The following PRKCZ variants were observed in gnomAD, a reference collection of about 807,000 sequenced individuals.
PRKCZ encodes the protein protein kinase C zeta, also known as protein kinase C zeta type.
PRKCZ carries 33 observed loss-of-function variants against 79.5 expected under a neutral mutation model. The observed-to-expected ratio is 0.41, with a 90% CI of 0.31 to 0.55. The LOEUF (loss-of-function observed/expected upper bound fraction) is 0.55, where lower values mean the gene tolerates loss of function less well. PRKCZ is among the 20% of genes least tolerant of loss of function. The probability of loss-of-function intolerance (pLI) is 0.19; values close to 1 mark genes in which losing one functional copy is unlikely to be tolerated. For missense variants in PRKCZ, 578 were observed against 813.5 expected, an observed-to-expected ratio of 0.71 and a Z score of 3.52; for synonymous variants, 342 against 320.9, an observed-to-expected ratio of 1.07 and a Z score of -0.70.
chr1:2,050,684 C>T lies in PRKCZ; in HGVS notation c.54C>T (p.Leu18=), dbSNP rs1001859225. 9.5e-5 allele frequency: 116 copies of T among 1,226,960 alleles called. No homozygotes were observed. Among genetic ancestry groups the T allele is most frequent in the African/African-American group, 9.0e-4 (58 of 64,250 alleles). The allele number at this position is 1,226,960 out of a possible 1,614,324, so 76.0% of individuals were successfully genotyped here. The stretch of plus-strand genomic sequence containing the variant: ...AAGGGAGCGGCGGCCGCGTCCGCCT[C>T]AAGGCGCATTACGGGGGGTGAGCGG... ...KMEGSGGRVR[L]KAHYGGDIFI... is the part of the protein sequence containing the mutation. The change falls in exon 1 of 18, where the codon CTC becomes CTT. Residue 18 remains leucine, a synonymous_variant. Coordinates refer to ENST00000378567, the MANE Select transcript of PRKCZ (RefSeq NM_002744.6).
chr1:2,181,048 C>T (rs150076510), intron 16 of PRKCZ, among the ~76,000 whole-genome samples: 19 of 152,264 alleles, frequency 1.2e-4, no homozygotes, highest in Non-Finnish European at 2.1e-4. Flanking sequence ...CTCTGCCATG[C>T]GGGGCCTAGC....
intron 5 of PRKCZ, among the ~76,000 whole-genome samples, chr1:2,138,572 G>C (rs777799001): frequency 2.6e-5 from 4 of 152,178 alleles, no homozygotes; most frequent in Non-Finnish European, 4.4e-5. Flanking sequence ...CCAGGAATGG[G>C]GGGTGAGGTG....
At chr1:2,057,742 G>A (rs986986517) in intron 3 of PRKCZ, among the ~76,000 whole-genome samples, 3 of 152,010 alleles carry the variant, frequency 2.0e-5, no homozygotes, top group Non-Finnish European at 2.9e-5. Flanking sequence ...GTCTGGCTCT[G>A]TCCCCAGGCT....
chr1:2,090,763 C>T (rs1665360021), intron 4 of PRKCZ, among the ~76,000 whole-genome samples: 1 of 152,338 alleles, frequency 6.6e-6, no homozygotes, highest in African/African-American at 2.4e-5. Flanking sequence ...GCAGGGGGGA[C>T]CCCACAATCT....
At chr1:2,133,949 T>C (rs1675611433) in intron 4 of PRKCZ, 1 of 152,244 alleles carries the variant, frequency 6.6e-6, no homozygotes. Flanking sequence ...GCCGAAAGTG[T>C]GGCCGCCCCT....
At chr1:2,072,250 G>T (rs1007575038) in intron 4 of PRKCZ, among the ~76,000 whole-genome samples, 3 of 152,244 alleles carry the variant, frequency 2.0e-5, no homozygotes, top group Non-Finnish European at 4.4e-5. Context: ...TGAACCCGGG[G>T]CTCTGGCCCG....
At chr1:2,056,383 G>A in intron 2 of PRKCZ, 101 bp from the exon 3 acceptor site, 1 of 1,076,676 alleles carries the variant, frequency 9.3e-7, no homozygotes, top group Non-Finnish European at 1.3e-6. Flanking sequence ...TCGGGACTTT[G>A]CCCCCCACCA....
At chr1:2,101,805 C>T (rs1388398590) in intron 4 of PRKCZ, among the ~76,000 whole-genome samples, 2 of 152,110 alleles carry the variant, frequency 1.3e-5, no homozygotes, top group Non-Finnish European at 2.9e-5. Context: ...GTGGCAGAGG[C>T]GTAGTGGATG....
chr1:2,129,517 G>A (rs966398839), intron 4 of PRKCZ, among the ~76,000 whole-genome samples: 1 of 152,208 alleles, frequency 6.6e-6, no homozygotes, highest in Non-Finnish European at 1.5e-5. Context: ...CCCTGGGGCG[G>A]ACGCAGACAG....
intron 1 of PRKCZ, 148 bp from the exon 2 acceptor site, chr1:2,055,293 G>T (rs1660056687): frequency 1.1e-5 from 11 of 968,668 alleles, no homozygotes; most frequent in Non-Finnish European, 1.6e-5. Flanking sequence ...TATTTTGTGT[G>T]TGGGAGGGGG....
Position 2,056,427 on chromosome 1 carries a change from C to T in PRKCZ, c.194-57C>T, listed in dbSNP as rs546635044. Reference sequence around the variant, plus strand: ...TCTGGTGTGCTGAGCGGGCTCGTCACAGCCCCCTTTGCCTCGGGCCTTCGG... The same window carrying T: ...TCTGGTGTGCTGAGCGGGCTCGTCATAGCCCCCTTTGCCTCGGGCCTTCGG... On this transcript the variant is annotated intron_variant, in intron 2 of 17. Coordinates refer to ENST00000378567, the MANE Select transcript of PRKCZ (RefSeq NM_002744.6). The T allele has an allele frequency of 1.1e-5, 16 of 1,510,116 alleles. No homozygotes were observed. The African/African-American group carries it at 1.4e-4, about 13-fold the overall frequency. The allele number at this position is 1,510,116 out of a possible 1,614,324, so 93.5% of individuals were successfully genotyped here. A position where few individuals can be genotyped will look rare whatever the true frequency, so the allele number is the denominator to read the frequency against.
chr1:2,146,156 C>T (rs780889075), intron 7 of PRKCZ, 48 bp downstream of exon 7: 7 of 1,529,300 alleles, frequency 4.6e-6, no homozygotes, highest in Admixed American at 3.3e-5. Context: ...CATCACCTCA[C>T]CCTGCTCACC....
At chr1:2,091,751 C>T (rs756163329) in intron 4 of PRKCZ, among the ~76,000 whole-genome samples, 14 of 152,112 alleles carry the variant, frequency 9.2e-5, no homozygotes, top group African/African-American at 1.7e-4. Flanking sequence ...CTGCACGCAC[C>T]GTGTGAACTG....
At chr1:2,110,264 A>G (rs1055479816) in intron 4 of PRKCZ, among the ~76,000 whole-genome samples, 3 of 152,020 alleles carry the variant, frequency 2.0e-5, no homozygotes, top group Non-Finnish European at 4.4e-5. Context: ...GTCCCAACCA[A>G]GAGGATCCCA....
Position 2,120,293 on chromosome 1 carries a change from G to GTTTTTTTTTTT in PRKCZ, c.335-14950_335-14940dup, listed in dbSNP as rs59518072. 1.3e-3 allele frequency among the ~76,000 whole-genome samples: 44 copies of GTTTTTTTTTTT among 32,834 alleles called. 9 individuals are homozygous for GTTTTTTTTTTT. Among genetic ancestry groups the GTTTTTTTTTTT allele is most frequent in the Non-Finnish European group, 1.5e-3 (27 of 17,454 alleles). 21.5% of individuals were successfully genotyped at this position (32,834 alleles called of 152,430 possible). ...GGAAAATATCAGCCCTTGACTTTTC[G>GTTTTTTTTTTT]TTTTTTTTTTTTTTTTTTTTTTTTT... is the stretch of plus-strand genomic sequence containing the variant. On this transcript the variant is annotated intron_variant, in intron 4 of 17. Coordinates refer to ENST00000378567, the MANE Select transcript of PRKCZ (RefSeq NM_002744.6).
Position 2,059,660 on chromosome 1 carries a change from G to A in PRKCZ, c.334+69G>A, listed in dbSNP as rs184821489. The A allele has an allele frequency of 1.3e-5, 20 of 1,584,652 alleles. No individual in the cohort carries two copies. In the South Asian group the frequency reaches 1.8e-4, roughly 14 times the overall value. On this transcript the variant is annotated intron_variant, in intron 4 of 17. Coordinates refer to ENST00000378567, the MANE Select transcript of PRKCZ (RefSeq NM_002744.6). ...TTGAACTGTTGATCCGTTGTGCCAC[G>A]GAGGTGGCAGTGGTGCCGTTTTCGG... is the stretch of plus-strand genomic sequence containing the variant.
In PRKCZ at chr1:2,174,742, C is replaced by T; in HGVS notation, c.1406-12C>T. 1.9e-6 allele frequency: 3 copies of T among 1,613,244 alleles called. No homozygotes were observed. The highest frequency in any genetic ancestry group is 2.2e-5 in the East Asian group (1 of 44,884). The stretch of plus-strand genomic sequence containing the variant: ...AACACAGGCAAGTCCTCACCAGGCT[C>T]CGCCCTTGCAGTGATCCTGGAGAAG... On this transcript the variant is annotated splice_polypyrimidine_tract_variant and intron_variant, in intron 14 of 17. Transcript: ENST00000378567. This position sits in a 1 kb window ranked among gnomAD's most constrained non-coding sequence, Gnocchi z 6.2.
intron 4 of PRKCZ, among the ~76,000 whole-genome samples, chr1:2,124,303 A>AGTTAGGGTCACGGTGGTG (rs1557627520): frequency 8.8e-6 from 1 of 113,506 alleles, no homozygotes; most frequent in Non-Finnish European, 1.9e-5. Flanking sequence ...TCACGGTGGT[A>AGTTAGGGTCACGGTGGTG]GTTAGGGTCA....
At chr1:2,056,823 G>A (rs1372138569) in intron 3 of PRKCZ, among the ~76,000 whole-genome samples, 1 of 151,352 alleles carries the variant, frequency 6.6e-6, no homozygotes, top group Non-Finnish European at 1.5e-5. Context: ...CCGCCTCCTG[G>A]GTTCATGCCA....
Sources: gnomAD v4.1 joint callset for allele counts (sites outside exome capture counted in the v4.1 genomes callset) on GRCh38, gnomAD v4.1.1 for gene constraint, Gnocchi (gnomAD v3.1) non-coding constraint, MANE v1.5 for transcripts, NCBI Gene and HGNC (gene_info 2026-07-23, HGNC 2026-07-21) for gene names.